The following GNPTAB variants were observed in gnomAD, a reference collection of about 807,000 sequenced individuals.
The protein encoded by GNPTAB is N-acetylglucosamine-1-phosphate transferase subunits alpha and beta, also known as N-acetylglucosamine-1-phosphotransferase subunits alpha/beta.
Under a neutral mutation model 136.6 loss-of-function variants are expected in GNPTAB, and 92 were observed. The observed-to-expected ratio is 0.67, with a 90% CI of 0.57 to 0.80. GNPTAB has a LOEUF of 0.80. Among genes scored for constraint, GNPTAB ranks in the 30% least tolerant of loss-of-function variants. GNPTAB has a pLI of 0.00. For synonymous variants in GNPTAB, 512 were observed against 535.1 expected, an observed-to-expected ratio of 0.96 and a Z score of 0.60; for missense variants, 1,343 against 1,501.8, an observed-to-expected ratio of 0.89 and a Z score of 1.75.
chr12:101,805,589 T>A (rs916315580), intron 1 of GNPTAB, among the ~76,000 whole-genome samples: 10 of 152,020 alleles, frequency 6.6e-5, no homozygotes, highest in African/African-American at 2.4e-4. Flanking sequence ...CAAGATGGGG[T>A]TTCACCACAT....
At chr12:101,808,499 G>A (rs1428832028) in intron 1 of GNPTAB, among the ~76,000 whole-genome samples, 5 of 151,674 alleles carry the variant, frequency 3.3e-5, no homozygotes, top group Non-Finnish European at 7.4e-5. Flanking sequence ...TCGTGTTCAC[G>A]CCACTGCACT....
chr12:101,765,758 A>G (rs1953081680), intron 12 of GNPTAB: 5 of 363,316 alleles, frequency 1.4e-5, no homozygotes, highest in Non-Finnish European at 1.6e-5. Context: ...GCTATCAACA[A>G]AATCCAGTGT....
intron 1 of GNPTAB, among the ~76,000 whole-genome samples, chr12:101,799,816 T>C (rs543139899): frequency 6.9e-6 from 1 of 144,722 alleles, no homozygotes; most frequent in African/African-American, 2.5e-5. Context: ...TGAAGTGGTC[T>C]ACCTGCCGCA....
At chr12:101,780,484 GAA>G in intron 6 of GNPTAB, 71 bp downstream of exon 6, 1 of 1,219,638 alleles carries the variant, frequency 8.2e-7, no homozygotes, top group Non-Finnish European at 1.2e-6. Flanking sequence ...GATTCTCAAA[GAA>G]AAACAGCTTT....
intron 19 of GNPTAB, among the ~76,000 whole-genome samples, chr12:101,752,515 G>A (rs1168813337): frequency 1.3e-5 from 2 of 152,330 alleles, no homozygotes; most frequent in East Asian, 1.9e-4. Context: ...AGATAGTCTG[G>A]TTGTTGAAGT....
At position 101,753,357 on chromosome 12, in the gene GNPTAB, A is replaced by C. The variant is rs774048511; in HGVS notation, c.3602+15T>G. 1 of 1,603,204 alleles carries C rather than the reference A, an allele frequency of 6.2e-7. No individual in the cohort carries two copies. Among genetic ancestry groups the C allele is most frequent in the Non-Finnish European group, 8.5e-7 (1 of 1,170,590 alleles). The stretch of plus-strand genomic sequence containing the variant: ...CTCACCCACACACATGCATATATAA[A>C]ACATGAGAATTTACCATTCCTGCAG... On this transcript the variant is annotated intron_variant, in intron 19 of 20. Coordinates refer to ENST00000299314, the MANE Select transcript of GNPTAB (RefSeq NM_024312.5).
At chr12:101,760,228 C>T in intron 15 of GNPTAB, 85 bp from the exon 16 acceptor site, 1 of 869,030 alleles carries the variant, frequency 1.2e-6, no homozygotes, top group Non-Finnish European at 1.9e-6. Flanking sequence ...GTGAAAGCTT[C>T]CAAAAATGGT....
intron 1 of GNPTAB, among the ~76,000 whole-genome samples, chr12:101,799,146 G>A (rs574406229): frequency 6.6e-6 from 1 of 152,086 alleles, no homozygotes; most frequent in Non-Finnish European, 1.5e-5. Context: ...TTGAAAATGC[G>A]CTTTAACGTG....
intron 5 of GNPTAB, among the ~76,000 whole-genome samples, chr12:101,784,595 C>G (rs1283454536): frequency 6.6e-6 from 1 of 151,010 alleles, no homozygotes; most frequent in African/African-American, 2.4e-5. Flanking sequence ...ATAGACAGAG[C>G]AGGAGTCCGA....
At position 101,750,281 on chromosome 12, in the gene GNPTAB, C is replaced by G. The variant is rs112721607; in HGVS notation, c.3603-1090G>C. ...GCCTCTGTGCTGAGTTACAGATTCT[C>G]ATTTTCCACTGTTTGGGCGTCTCTA... On this transcript the variant is annotated intron_variant, in intron 19 of 20. Coordinates refer to ENST00000299314, the MANE Select transcript of GNPTAB (RefSeq NM_024312.5). Among the ~76,000 whole-genome samples the G allele has an allele frequency of 1.7e-3, 256 of 152,342 alleles. 4 individuals carry two copies. Among genetic ancestry groups the G allele is most frequent in the African/African-American group, 5.9e-3 (246 of 41,584 alleles).
chr12:101,777,354 G>A (rs1336813735), intron 7 of GNPTAB, among the ~76,000 whole-genome samples: 1 of 152,174 alleles, frequency 6.6e-6, no homozygotes, highest in Non-Finnish European at 1.5e-5. Context: ...AAAAAATCTA[G>A]TATTCTTAAC....
At chr12:101,812,837 C>A (rs1391525695) in intron 1 of GNPTAB, among the ~76,000 whole-genome samples, 2 of 152,142 alleles carry the variant, frequency 1.3e-5, no homozygotes, top group African/African-American at 4.8e-5. Flanking sequence ...TGGGGTCTTA[C>A]TATGTTGCTC....
chr12:101,807,796 G>C (rs12580373), intron 1 of GNPTAB, among the ~76,000 whole-genome samples: 1 of 151,990 alleles, frequency 6.6e-6, no homozygotes, highest in Non-Finnish European at 1.5e-5. Context: ...CAGGTGTGGC[G>C]GCGCACACTT....
At chr12:101,760,317 T>C (rs985790866) in intron 15 of GNPTAB, among the ~76,000 whole-genome samples, 174 bp from the exon 16 acceptor site, 7 of 152,166 alleles carry the variant, frequency 4.6e-5, no homozygotes, top group African/African-American at 1.7e-4. Context: ...AATGAGACAA[T>C]GCCAACAAAA....
chr12:101,758,886 G>T (rs1158524476), intron 16 of GNPTAB, among the ~76,000 whole-genome samples: 1 of 152,124 alleles, frequency 6.6e-6, no homozygotes, highest in African/African-American at 2.4e-5. Context: ...TCTACTCATT[G>T]TAGAAAATAT....
In GNPTAB at chr12:101,757,666, AAATAT is replaced by A; in HGVS notation, c.3250-14_3250-10del. The A allele has an allele frequency of 7.4e-7, 1 of 1,342,648 alleles. No homozygotes were observed. Among genetic ancestry groups the A allele is most frequent in the South Asian group, 1.2e-5 (1 of 85,602 alleles). The allele number at this position is 1,342,648 out of a possible 1,614,324, so 83.2% of individuals were successfully genotyped here. A position where few individuals can be genotyped will look rare whatever the true frequency, so the allele number is the denominator to read the frequency against. ...CTTTTAGTGACCGGTGGCTATGAGA[AAATAT>A]AAGTAGATCAGATATCACATCAGAG... On this transcript the variant is annotated splice_polypyrimidine_tract_variant and intron_variant, in intron 16 of 20. Coordinates refer to ENST00000299314, the MANE Select transcript of GNPTAB (RefSeq NM_024312.5).
chr12:101,759,406 T>A (rs1952957796), intron 16 of GNPTAB, among the ~76,000 whole-genome samples: 2 of 139,108 alleles, frequency 1.4e-5, no homozygotes, highest in Non-Finnish European at 3.1e-5. Flanking sequence ...AAAAGAGCCC[T>A]GAAAATAAAG....
intron 1 of GNPTAB, among the ~76,000 whole-genome samples, chr12:101,802,095 G>C (rs1057047456): frequency 5.3e-5 from 8 of 151,300 alleles, no homozygotes; most frequent in Admixed American, 2.0e-4. Flanking sequence ...CTACTTGAGA[G>C]GGTAAGGTGG....
intron 11 of GNPTAB, among the ~76,000 whole-genome samples, chr12:101,767,448 A>G (rs546643104): frequency 6.6e-6 from 1 of 152,322 alleles, no homozygotes; most frequent in African/African-American, 2.4e-5. Context: ...GTGAGCTCCT[A>G]TAAGAACCAG....
Sources: allele counts gnomAD v4.1 joint callset (sites outside exome capture counted in the v4.1 genomes callset), GRCh38; gene constraint gnomAD v4.1.1; transcripts MANE v1.5; gene names NCBI Gene and HGNC (gene_info 2026-07-23, HGNC 2026-07-21).